RYR3: variants seen among roughly 807,000 people sequenced by gnomAD.
RYR3 encodes ryanodine receptor 3, also known as brain ryanodine receptor-calcium release channel.
Under a neutral mutation model 584.3 loss-of-function variants are expected in RYR3, and 207 were observed. The ratio of observed to expected loss-of-function variants is 0.35; its 90% confidence interval spans 0.32 to 0.40. RYR3 has a LOEUF of 0.40. RYR3 is among the 10% of genes least tolerant of loss of function. The pLI, the probability that RYR3 is intolerant of heterozygous loss-of-function variation, is 1.00. For synonymous variants in RYR3, 2,416 were observed against 2,248.5 expected (o/e 1.07, Z -2.11); for missense variants, 5,616 against 6,089.2 (o/e 0.92, Z 2.59).
intron 40 of RYR3, among the ~76,000 whole-genome samples, chr15:33,699,482 TC>T (rs1483651555): frequency 2.6e-5 from 4 of 152,086 alleles, no homozygotes; most frequent in African/African-American, 9.7e-5. Flanking sequence ...TCACATGACT[TC>T]CGAGGATGAT....
chr15:33,843,615 T>C, intron 92 of RYR3, 41 bp downstream of exon 92: 1 of 1,236,916 alleles, frequency 8.1e-7, no homozygotes, highest in Non-Finnish European at 1.2e-6. Context: ...ATATGCTGTA[T>C]ACTAAGTATG....
chr15:33,652,367 A>T (rs2062531310), intron 31 of RYR3, among the ~76,000 whole-genome samples: 1 of 152,090 alleles, frequency 6.6e-6, no homozygotes, highest in Non-Finnish European at 1.5e-5. Context: ...GAAGGTGGTC[A>T]TTCACTCCGT....
chr15:33,522,657 AAC>A (rs201499821), intron 3 of RYR3, among the ~76,000 whole-genome samples: 3,875 of 152,310 alleles, frequency 0.025, 63 homozygotes, highest in Non-Finnish European at 0.04. Flanking sequence ...TTGAGGATTT[AAC>A]TATCTGATCC....
chr15:33,333,066 C>CAAAAAAA (rs1195937254), intron 1 of RYR3, among the ~76,000 whole-genome samples: 21 of 55,726 alleles, frequency 3.8e-4, no homozygotes, highest in African/African-American at 5.3e-4. Context: ...GCCTACCAAC[C>CAAAAAAA]AAAAAAAAAA....
At chr15:33,765,234 G>T (rs1247426236) in intron 60 of RYR3, among the ~76,000 whole-genome samples, 1 of 152,018 alleles carries the variant, frequency 6.6e-6, no homozygotes, top group Admixed American at 6.6e-5. Context: ...TCATGATTGG[G>T]CTAAAAGATG....
intron 93 of RYR3, among the ~76,000 whole-genome samples, chr15:33,845,275 T>A (rs1238661516): frequency 1.3e-5 from 2 of 152,122 alleles, no homozygotes; most frequent in Non-Finnish European, 2.9e-5. Context: ...GTTTTTGAGA[T>A]GGGTTTCGCT....
At chr15:33,398,745 T>C (rs998996885) in intron 1 of RYR3, among the ~76,000 whole-genome samples, 5 of 151,534 alleles carry the variant, frequency 3.3e-5, no homozygotes, top group African/African-American at 9.7e-5. Flanking sequence ...GACCAGGAGG[T>C]TGGGGGGTGA....
chr15:33,645,841 T>C lies in RYR3; in HGVS notation c.3766-510T>C, dbSNP rs149861538. ...GTATTAGGAGGAGGCTCCAGGAGCC[T>C]CAGCCTTCAGGCCATGACTGTGGCA... On this transcript the variant is annotated intron_variant, in intron 28 of 103. Coordinates refer to ENST00000634891, the MANE Select transcript of RYR3 (RefSeq NM_001036.6). Among the ~76,000 whole-genome samples, 5 of 152,118 alleles carry C rather than the reference T, an allele frequency of 3.3e-5. No individual in the cohort carries two copies. In the East Asian group the frequency reaches 9.7e-4, roughly 29 times the overall value.
chr15:33,515,935 A>G (rs924256880), intron 3 of RYR3, among the ~76,000 whole-genome samples: 25 of 152,166 alleles, frequency 1.6e-4, no homozygotes, highest in African/African-American at 6.0e-4. Flanking sequence ...ACTTCCTCAC[A>G]TTTACACTTG....
At chr15:33,636,584 A>C (rs35203574) in intron 27 of RYR3, 34 bp downstream of exon 27, 1,250 of 1,536,218 alleles carry the variant, frequency 8.1e-4, no homozygotes, top group South Asian at 1.1e-3. Flanking sequence ...CCCCAGCTCC[A>C]TGAGGCTGGA....
At chr15:33,643,306 C>T (rs1167859939) in intron 27 of RYR3, among the ~76,000 whole-genome samples, 2 of 152,224 alleles carry the variant, frequency 1.3e-5, no homozygotes, top group African/African-American at 4.8e-5. Flanking sequence ...CTGCCTCTCA[C>T]ATCCTCCCAA....
At chr15:33,344,164 A>C (rs1972155960) in intron 1 of RYR3, among the ~76,000 whole-genome samples, 1 of 152,198 alleles carries the variant, frequency 6.6e-6, no homozygotes, top group Admixed American at 6.5e-5. Context: ...ATGAAAACTC[A>C]TTGCTCTGGT....
At chr15:33,370,960 T>A (rs907905038) in intron 1 of RYR3, among the ~76,000 whole-genome samples, 2 of 152,196 alleles carry the variant, frequency 1.3e-5, no homozygotes, top group African/African-American at 4.8e-5. Context: ...GTCTGTTTTG[T>A]CCCTCACTTG....
chr15:33,567,032 G>A (rs1249465571), intron 12 of RYR3, among the ~76,000 whole-genome samples: 1 of 152,216 alleles, frequency 6.6e-6, no homozygotes, highest in Non-Finnish European at 1.5e-5. Context: ...TCAGATTGGA[G>A]TGATGAATAT....
chr15:33,362,227 G>T (rs753501947), intron 1 of RYR3, among the ~76,000 whole-genome samples: 5 of 152,134 alleles, frequency 3.3e-5, no homozygotes, highest in Non-Finnish European at 4.4e-5. Context: ...TATTTGCTTG[G>T]TATTTTTGCC....
chr15:33,743,225 T>C (rs1021945868), intron 52 of RYR3, among the ~76,000 whole-genome samples: 1 of 152,074 alleles, frequency 6.6e-6, no homozygotes, highest in African/African-American at 2.4e-5. Flanking sequence ...TCTGTGTGGA[T>C]GTAGGCTCAG....
At chr15:33,667,433 C>A (rs570237855) in intron 36 of RYR3, among the ~76,000 whole-genome samples, 4 of 152,248 alleles carry the variant, frequency 2.6e-5, no homozygotes, top group Middle Eastern at 6.8e-3. Context: ...AAAACAAGTA[C>A]CTGACTTTGA....
intron 1 of RYR3, among the ~76,000 whole-genome samples, chr15:33,456,964 A>G (rs1006144925): frequency 6.6e-6 from 1 of 152,236 alleles, no homozygotes; most frequent in Admixed American, 6.5e-5. Context: ...AATACTGCAT[A>G]ATGACTAGAA....
chr15:33,649,685 G>T (rs142060156), intron 31 of RYR3, among the ~76,000 whole-genome samples: 2 of 152,292 alleles, frequency 1.3e-5, no homozygotes, highest in Admixed American at 1.3e-4. Context: ...AAAGCATAAG[G>T]AATAAAAGAG....
Sources: allele counts gnomAD v4.1 joint callset (sites outside exome capture counted in the v4.1 genomes callset), GRCh38; gene constraint gnomAD v4.1.1; transcripts MANE v1.5; gene names NCBI Gene and HGNC (gene_info 2026-07-23, HGNC 2026-07-21).